NRXN3: variants seen among roughly 807,000 people sequenced by gnomAD.
NRXN3 encodes the protein neurexin III.
In NRXN3, 32 loss-of-function variants were observed where a neutral mutation model predicts 137.6. That is an observed-to-expected ratio of 0.23 (90% CI 0.18 to 0.31). NRXN3 has a LOEUF of 0.31. Ranked by LOEUF, NRXN3 falls within the 10% of genes least tolerant of loss-of-function variation. NRXN3 has a pLI of 1.00. For synonymous variants in NRXN3, 798 were observed against 784.5 expected (o/e 1.02, Z -0.29); for missense variants, 1,574 against 2,062.5 (o/e 0.76, Z 4.59).
At chr14:78,982,891 T>A (rs569157955) in intron 14 of NRXN3, among the ~76,000 whole-genome samples, 13 of 152,230 alleles carry the variant, frequency 8.5e-5, no homozygotes, top group South Asian at 4.1e-4. Flanking sequence ...GTATATCTGA[T>A]AAGGCACTAT....
intron 10 of NRXN3, among the ~76,000 whole-genome samples, chr14:78,904,745 G>A (rs539409732): frequency 1.3e-5 from 2 of 151,528 alleles, no homozygotes; most frequent in East Asian, 1.9e-4. Context: ...TATTCTTTTC[G>A]TTAGCCAGGA....
intron 4 of NRXN3, among the ~76,000 whole-genome samples, chr14:78,322,169 G>A (rs1182296615): frequency 6.6e-6 from 1 of 151,892 alleles, no homozygotes. Flanking sequence ...GGGGCAGGGG[G>A]ATTGCATAAA....
intron 4 of NRXN3, among the ~76,000 whole-genome samples, chr14:78,395,277 C>G (rs1375098254): frequency 6.6e-6 from 1 of 151,662 alleles, no homozygotes; most frequent in Non-Finnish European, 1.5e-5. Flanking sequence ...ATTTGGTTTT[C>G]TTGAGACTTC....
At chr14:78,297,416 G>C (rs2076453927) in intron 3 of NRXN3, among the ~76,000 whole-genome samples, 1 of 152,138 alleles carries the variant, frequency 6.6e-6, no homozygotes, top group Admixed American at 6.5e-5. Flanking sequence ...ACCATGTATT[G>C]CTATTACAAG....
intron 15 of NRXN3, among the ~76,000 whole-genome samples, chr14:79,164,924 A>G (rs2061151213): frequency 6.6e-6 from 1 of 151,982 alleles, no homozygotes; most frequent in South Asian, 2.1e-4. Flanking sequence ...ATGGCAAACT[A>G]TGTATTACTT....
At chr14:78,491,509 G>A (rs2095667710) in intron 4 of NRXN3, among the ~76,000 whole-genome samples, 2 of 152,164 alleles carry the variant, frequency 1.3e-5, no homozygotes, top group Non-Finnish European at 2.9e-5. Flanking sequence ...CAGGTCTATT[G>A]TAGAGACAGA....
intron 2 of NRXN3, among the ~76,000 whole-genome samples, chr14:78,273,456 C>G (rs1338977399): frequency 6.6e-6 from 1 of 152,186 alleles, no homozygotes; most frequent in African/African-American, 2.4e-5. Flanking sequence ...CAACCCCAAA[C>G]CTTTCCTCTT....
intron 4 of NRXN3, among the ~76,000 whole-genome samples, chr14:78,569,638 A>C (rs907948746): frequency 1.3e-5 from 2 of 151,960 alleles, no homozygotes; most frequent in African/African-American, 4.8e-5. Flanking sequence ...ATCTCAGCTC[A>C]CTGCAACCTC....
chr14:79,075,336 T>G lies in NRXN3; in HGVS notation c.3262+87195T>G, dbSNP rs554054023. Among the ~76,000 whole-genome samples, 7 of 152,344 alleles carry G rather than the reference T, an allele frequency of 4.6e-5. 1 individual carries two copies. Among genetic ancestry groups the G allele is most frequent in the African/African-American group, 1.7e-4 (7 of 41,588 alleles). On this transcript the variant is annotated intron_variant, in intron 15 of 20. Coordinates refer to ENST00000335750, the MANE Select transcript of NRXN3 (RefSeq NM_001330195.2). ...TCCCTGATAAGAACTTGAGTTTTGATGCACACATTATTGCATTTTAGAGAT... is the reference window on the plus strand; with the variant it reads ...TCCCTGATAAGAACTTGAGTTTTGAGGCACACATTATTGCATTTTAGAGAT...
At chr14:79,669,990 A>G (rs550868186) in intron 17 of NRXN3, among the ~76,000 whole-genome samples, 49 of 152,158 alleles carry the variant, frequency 3.2e-4, no homozygotes, top group East Asian at 1.9e-3. Context: ...GTACTGTTCA[A>G]TGTGGTAGCC....
intron 4 of NRXN3, among the ~76,000 whole-genome samples, chr14:78,635,703 T>C (rs1230817970): frequency 6.6e-6 from 1 of 152,164 alleles, no homozygotes; most frequent in African/African-American, 2.4e-5. Flanking sequence ...TGAGTACTTT[T>C]GATGATTCTT....
chr14:79,551,248 CTT>C (rs2097370018), intron 16 of NRXN3, among the ~76,000 whole-genome samples: 1 of 152,148 alleles, frequency 6.6e-6, no homozygotes, highest in African/African-American at 2.4e-5. Context: ...CATTCTTTCT[CTT>C]TTCCTGGCCC....
intron 15 of NRXN3, among the ~76,000 whole-genome samples, chr14:79,213,275 T>C (rs2067973474): frequency 6.6e-6 from 1 of 152,144 alleles, no homozygotes. Context: ...AATGTGTAAG[T>C]GGGCCTTATT....
intron 16 of NRXN3, among the ~76,000 whole-genome samples, chr14:79,578,843 T>G (rs1034763089): frequency 6.6e-6 from 1 of 152,110 alleles, no homozygotes; most frequent in African/African-American, 2.4e-5. Flanking sequence ...TACAATCCCC[T>G]CAAGTCAATT....
At chr14:78,794,433 T>C (rs1161976012) in intron 8 of NRXN3, among the ~76,000 whole-genome samples, 3 of 152,190 alleles carry the variant, frequency 2.0e-5, no homozygotes, top group Non-Finnish European at 2.9e-5. Flanking sequence ...AGTTGTCTTA[T>C]GTGTTTAATA....
At chr14:78,987,899 G>C in intron 14 of NRXN3, 123 bp from the exon 15 acceptor site, 1 of 1,066,828 alleles carries the variant, frequency 9.4e-7, no homozygotes, top group Non-Finnish European at 1.3e-6. Flanking sequence ...AATTTTGGTG[G>C]TGTGTCTTCA....
chr14:78,845,526 C>T (rs185001031), intron 10 of NRXN3, among the ~76,000 whole-genome samples: 13 of 152,022 alleles, frequency 8.6e-5, no homozygotes, highest in Admixed American at 2.6e-4. Context: ...ATGATTTCCT[C>T]CCCACTGACT....
intron 15 of NRXN3, among the ~76,000 whole-genome samples, chr14:79,213,479 T>G (rs1021154847): frequency 2.6e-5 from 4 of 152,152 alleles, no homozygotes; most frequent in Non-Finnish European, 5.9e-5. Flanking sequence ...TTTAATACAT[T>G]GTATCACAAA....
chr14:79,337,045 C>G (rs773022284), intron 15 of NRXN3, among the ~76,000 whole-genome samples: 2 of 152,072 alleles, frequency 1.3e-5, no homozygotes, highest in Non-Finnish European at 2.9e-5. Flanking sequence ...GAAAAATGAC[C>G]GACAAGATGT....
Sources: gnomAD v4.1 joint callset for allele counts (sites outside exome capture counted in the v4.1 genomes callset) on GRCh38, gnomAD v4.1.1 for gene constraint, MANE v1.5 for transcripts, NCBI Gene and HGNC (gene_info 2026-07-23, HGNC 2026-07-21) for gene names.